Variants in TCEA2 observed in about 807,000 individuals in gnomAD.
TCEA2 encodes the protein transcription elongation factor A2.
A neutral mutation model predicts 40.8 loss-of-function variants in TCEA2; 21 were observed. The ratio of observed to expected loss-of-function variants is 0.51; its 90% CI spans 0.36 to 0.74. TCEA2 has a LOEUF of 0.74. TCEA2 is among the 30% of genes least tolerant of loss of function. The pLI is 0.00. For missense variants in TCEA2, 326 were observed against 426.5 expected (o/e 0.76, Z 2.08); for synonymous variants, 165 against 162.7 (o/e 1.01, Z -0.11).
At chr20:64,068,913 C>T (rs1290854536) in intron 4 of TCEA2, among the ~76,000 whole-genome samples, 2 of 152,248 alleles carry the variant, frequency 1.3e-5, no homozygotes, top group African/African-American at 2.4e-5. Context: ...TGGGCGGCCC[C>T]GCCTTGTCTC....
chr20:64,072,086 C>A, intron 9 of TCEA2, 86 bp from the exon 10 acceptor site: 1 of 1,599,356 alleles, frequency 6.3e-7, no homozygotes, highest in Non-Finnish European at 8.5e-7. Flanking sequence ...GGTGGAGAGC[C>A]CAGCCTTGGG....
upstream of TCEA2, among the ~76,000 whole-genome samples, chr20:64,060,875 C>T (rs1408056246): frequency 6.6e-6 from 1 of 151,932 alleles, no homozygotes; most frequent in Non-Finnish European, 1.5e-5. Flanking sequence ...CTGCCAGCTC[C>T]GCCTCCCGGA....
At chr20:64,058,317 G>A (rs942050638), upstream of TCEA2, among the ~76,000 whole-genome samples, 1 of 152,190 alleles carries the variant, frequency 6.6e-6, no homozygotes, top group African/African-American at 2.4e-5. The surrounding 1 kb of genome is among the most constrained non-coding windows in gnomAD (Gnocchi z 6.7). Flanking sequence ...CTGGGCCCAC[G>A]GCTGACACCC....
chr20:64,066,403 C>T (rs1414486717), intron 1 of TCEA2, 73 bp from the exon 2 acceptor site: 2 of 1,551,738 alleles, frequency 1.3e-6, no homozygotes, highest in South Asian at 1.1e-5. Context: ...TGTTCTCCTC[C>T]AGTAGGCAGA....
At position 64,070,474 on chromosome 20, in the gene TCEA2, G is replaced by A; in HGVS notation, c.673-15G>A. On this transcript the variant is annotated splice_polypyrimidine_tract_variant and intron_variant, in intron 7 of 9. Coordinates refer to ENST00000343484, the MANE Select transcript of TCEA2 (RefSeq NM_003195.6). Reference sequence around the variant, plus strand: ...CCTCGGAGCGGTGGGCTAAGCCACTGGCCCCGTGCTCCAGGAGATGGCCAG... The same window carrying A: ...CCTCGGAGCGGTGGGCTAAGCCACTAGCCCCGTGCTCCAGGAGATGGCCAG... 2 of 1,613,668 alleles carry A rather than the reference G, an allele frequency of 1.2e-6. No individual in the cohort carries two copies. Among genetic ancestry groups the A allele is most frequent in the Non-Finnish European group, 1.7e-6 (2 of 1,179,866 alleles).
upstream of TCEA2, among the ~76,000 whole-genome samples, chr20:64,058,807 C>T (rs1349717454): frequency 1.3e-5 from 2 of 152,164 alleles, no homozygotes; most frequent in African/African-American, 2.4e-5. The surrounding 1 kb of genome is among the most constrained non-coding windows in gnomAD (Gnocchi z 6.7). Context: ...CCATCTGTGC[C>T]GGGTCAGCCA....
rs770481721 is a variant in TCEA2, at chr20:64,069,755, C to T, written c.461-10C>T. ...CAGTGGGGGAAGCTAGTCAGGGCTC[C>T]CTCTTGCAGATGACCACGTGGCCAT... On this transcript the variant is annotated splice_polypyrimidine_tract_variant and intron_variant, in intron 5 of 9. Coordinates refer to ENST00000343484, the MANE Select transcript of TCEA2 (RefSeq NM_003195.6). 5.6e-6 allele frequency: 9 copies of T among 1,608,442 alleles called. No homozygotes were observed. Among genetic ancestry groups the T allele is most frequent in the Admixed American group, 1.7e-5 (1 of 59,790 alleles).
Position 64,063,401 on chromosome 20 carries a change from G to A in TCEA2, c.72+17G>A, listed in dbSNP as rs1288944402. On this transcript the variant is annotated intron_variant, in intron 1 of 9. Transcript: ENST00000343484. ...AAGAGCGCGGTGAGGGGCGCGGGCC[G>A]CCAGGACCCCGGGAACCCCGCCCCG... 4 of 1,542,720 alleles carry A rather than the reference G, an allele frequency of 2.6e-6. No homozygotes were observed. The highest frequency in any genetic ancestry group is 3.9e-5 in the Admixed American group (2 of 50,802).
rs1185243973 is a variant in TCEA2, at chr20:64,070,568, C to A, written c.752C>A (p.Thr251Asn). ...EAIREHQMARTGGTQTDLFTC... is the reference protein window; with the variant it reads ...EAIREHQMARNGGTQTDLFTC... ...ATCCGAGAGCACCAGATGGCCCGCACTGGCGGCACGCAGACAGACCTGTTC... is the reference window on the plus strand; with the variant it reads ...ATCCGAGAGCACCAGATGGCCCGCAATGGCGGCACGCAGACAGACCTGTTC... The change falls in exon 8 of 10, where the codon ACT becomes AAT. Residue 251 changes from threonine (T) to asparagine (N), a missense_variant. Transcript: ENST00000343484. 2 of 1,613,666 alleles carry A rather than the reference C, an allele frequency of 1.2e-6. No individual in the cohort carries two copies. Among genetic ancestry groups the A allele is most frequent in the Non-Finnish European group, 1.7e-6 (2 of 1,179,966 alleles).
In TCEA2 at chr20:64,066,526, G is replaced by A. The variant is rs1027051050; in HGVS notation, c.123G>A (p.Leu41=). Residue 41 remains leucine, a synonymous_variant, in exon 2 of 10, where the codon CTG becomes CTA. Transcript: ENST00000343484. ...LRELKAMPIT[L]HLLQSTRVGM... is the part of the protein sequence containing the mutation. ...AGCTGAAGGCCATGCCTATCACGCT[G>A]CACCTGCTCCAGGTAGGTCCCTGCC... The A allele has an allele frequency of 5.0e-6, 8 of 1,613,680 alleles. No individual in the cohort carries two copies. The highest frequency in any genetic ancestry group is 1.3e-5 in the African/African-American group (1 of 74,940).
intron 3 of TCEA2, 81 bp from the exon 4 acceptor site, chr20:64,067,966 T>G: frequency 1.8e-6 from 2 of 1,112,464 alleles, no homozygotes; most frequent in Non-Finnish European, 2.6e-6. Context: ...GTGGTCGGGC[T>G]GAGGCTGTAC....
intron 1 of TCEA2, chr20:64,064,288 C>G (rs1185705603): frequency 6.6e-6 from 1 of 152,290 alleles, no homozygotes; most frequent in East Asian, 1.9e-4. Context: ...GCCTGGGCCT[C>G]TGTTGTCTTG....
In TCEA2 at chr20:64,063,204, GGGCTGCGTC is replaced by G. The variant is rs1349116739; in HGVS notation, c.-101_-93del. On this transcript the variant is annotated 5_prime_UTR_variant, in exon 1 of 10. Coordinates refer to ENST00000343484, the MANE Select transcript of TCEA2 (RefSeq NM_003195.6). ...AACCGGGGGTCTGTCGTCCGCGGCGGGGCTGCGTCGGCTGCGGCGGGTGTGGGAGGTGGC... is the reference window on the plus strand; with the variant it reads ...AACCGGGGGTCTGTCGTCCGCGGCGGGGCTGCGGCGGGTGTGGGAGGTGGC... The G allele has an allele frequency of 3.0e-6, 3 of 999,044 alleles. No individual in the cohort carries two copies. Among genetic ancestry groups the G allele is most frequent in the South Asian group, 3.4e-5 (1 of 29,592 alleles). The allele number at this position is 999,044 out of a possible 1,614,324, so 61.9% of individuals were successfully genotyped here. A position where few individuals can be genotyped will look rare whatever the true frequency, so the allele number is the denominator to read the frequency against.
upstream of TCEA2, among the ~76,000 whole-genome samples, chr20:64,061,261 C>T (rs557905003): frequency 1.3e-4 from 19 of 145,948 alleles, no homozygotes; most frequent in Non-Finnish European, 2.3e-4. Flanking sequence ...CCACCACGCC[C>T]GGCTAATTTT....
intron 1 of TCEA2, among the ~76,000 whole-genome samples, chr20:64,065,117 G>A (rs868390884): frequency 3.2e-4 from 48 of 152,246 alleles, no homozygotes; most frequent in African/African-American, 1.1e-3. Context: ...TCCCCTCGGG[G>A]ACCTGGGGGC....
Position 64,072,267 on chromosome 20 carries a change from G to A in TCEA2, c.*87G>A. On this transcript the variant is annotated 3_prime_UTR_variant, in exon 10 of 10. Coordinates refer to ENST00000343484, the MANE Select transcript of TCEA2 (RefSeq NM_003195.6). ...GCTTCTCTGGAGACCCTAGAAGGCG[G>A]CATGTCCTGCCCTCAACCTGCCTGC... 1 of 1,472,754 alleles carries A rather than the reference G, an allele frequency of 6.8e-7. No individual in the cohort carries two copies. Among genetic ancestry groups the A allele is most frequent in the Non-Finnish European group, 9.4e-7 (1 of 1,069,454 alleles). 91.2% of individuals were successfully genotyped at this position (1,472,754 alleles called of 1,614,324 possible).
chr20:64,058,685 AGT>A (rs2059506404), upstream of TCEA2, among the ~76,000 whole-genome samples: 1 of 152,220 alleles, frequency 6.6e-6, no homozygotes, highest in Non-Finnish European at 1.5e-5. This position sits in a 1 kb window ranked among gnomAD's most constrained non-coding sequence, Gnocchi z 6.7. Context: ...ATTTTCTTAA[AGT>A]GTGATATCAA....
rs2059774941 is a variant in TCEA2 at position 64,069,477 on chromosome 20, C to T, written c.446C>T (p.Ala149Val). The change falls in exon 5 of 10, where the codon GCC (alanine) becomes GTC (valine). Residue 149 changes from alanine (A) to valine (V), a missense_variant. By Grantham distance (64) the Ala-to-Val change is moderately conservative (BLOSUM62 0). Transcript: ENST00000343484. Reference sequence around the variant, plus strand: ...AAGTGCCGCGAGATGCTGACCGCTGCCCTGCAGACGGACCGTGAGTGCGGC... The same window carrying T: ...AAGTGCCGCGAGATGCTGACCGCTGTCCTGCAGACGGACCGTGAGTGCGGC... The part of the protein sequence containing the change: ...RNKCREMLTA[A>V]LQTDHDHVAI... The T allele has an allele frequency of 6.2e-7, 1 of 1,613,072 alleles. No individual in the cohort carries two copies. Among genetic ancestry groups the T allele is most frequent in the Non-Finnish European group, 8.5e-7 (1 of 1,179,844 alleles).
intron 9 of TCEA2, 44 bp downstream of exon 9, chr20:64,071,985 G>T: frequency 1.2e-6 from 2 of 1,612,334 alleles, no homozygotes; most frequent in Non-Finnish European, 1.7e-6. Flanking sequence ...TCCATTCTCT[G>T]GAGGTGGGGT....
Sources: gnomAD v4.1 joint callset for allele counts (sites outside exome capture counted in the v4.1 genomes callset) on GRCh38, gnomAD v4.1.1 for gene constraint, Gnocchi (gnomAD v3.1) non-coding constraint, MANE v1.5 for transcripts, NCBI Gene and HGNC (gene_info 2026-07-23, HGNC 2026-07-21) for gene names.